The following SLC7A9 variants were observed in gnomAD, a reference collection of about 807,000 sequenced individuals.
SLC7A9 encodes solute carrier family 7 member 9, also known as B(0,+)-type amino acid transporter 1.
SLC7A9 carries 38 observed loss-of-function variants against 54.1 expected under a neutral mutation model. The ratio of observed to expected loss-of-function variants is 0.70; its 90% CI spans 0.54 to 0.92. The LOEUF (loss-of-function observed/expected upper bound fraction) is 0.92, where lower values mean the gene tolerates loss of function less well. Among genes scored for constraint, SLC7A9 ranks in the 40% least tolerant of loss-of-function variants. SLC7A9 has a pLI of 0.00. For synonymous variants in SLC7A9, 264 were observed against 258.9 expected (o/e 1.02, Z -0.19); for missense variants, 537 against 636.1 (o/e 0.84, Z 1.68).
chr19:32,837,487 C>A (rs1415157398), intron 11 of SLC7A9, among the ~76,000 whole-genome samples: 1 of 65,594 alleles, frequency 1.5e-5, no homozygotes, highest in Non-Finnish European at 2.5e-5. Flanking sequence ...GAGGAGATTC[C>A]ATCTCAAAAA....
intron 11 of SLC7A9, among the ~76,000 whole-genome samples, chr19:32,836,821 G>T (rs1010864941): frequency 1.3e-5 from 2 of 152,196 alleles, no homozygotes; most frequent in Non-Finnish European, 2.9e-5. Flanking sequence ...CCTCTTCATT[G>T]TGGATTTTAG....
intron 9 of SLC7A9, among the ~76,000 whole-genome samples, 153 bp downstream of exon 9, chr19:32,858,287 C>G (rs1336287209): frequency 6.6e-6 from 1 of 152,098 alleles, no homozygotes; most frequent in Non-Finnish European, 1.5e-5. Context: ...TGGGTTCAAG[C>G]TACATCCCTT....
intron 9 of SLC7A9, among the ~76,000 whole-genome samples, chr19:32,853,777 T>C (rs1968535461): frequency 6.6e-6 from 1 of 151,714 alleles, no homozygotes; most frequent in South Asian, 2.1e-4. Context: ...ATTAGCCAGG[T>C]GTGATGGTAT....
intron 11 of SLC7A9, among the ~76,000 whole-genome samples, chr19:32,839,267 G>A (rs971299856): frequency 2.0e-5 from 3 of 152,066 alleles, no homozygotes; most frequent in Non-Finnish European, 4.4e-5. Flanking sequence ...AAGGTCTCAT[G>A]TAATTGGCGG....
At position 32,869,689 on chromosome 19, in the gene SLC7A9, C is replaced by T. The variant is rs577790447; in HGVS notation, c.-115G>A. 1.3e-5 allele frequency: 2 copies of T among 152,412 alleles called. No homozygotes were observed. Among genetic ancestry groups the T allele is most frequent in the South Asian group, 4.1e-4 (2 of 4,830 alleles). 9.4% of individuals were successfully genotyped at this position (152,412 alleles called of 1,614,324 possible). A position where few individuals can be genotyped will look rare whatever the true frequency, so the allele number is the denominator to read the frequency against. On this transcript the variant is annotated 5_prime_UTR_variant, in exon 1 of 13. Transcript: ENST00000023064. The stretch of plus-strand genomic sequence containing the variant: ...ATCACCTACTGACCTTACTTACCTT[C>T]CTCCGTGACCCTGCAGAGCCGGAGG...
chr19:32,857,671 C>T (rs2145835279), intron 9 of SLC7A9, among the ~76,000 whole-genome samples: 1 of 152,242 alleles, frequency 6.6e-6, no homozygotes, highest in South Asian at 2.1e-4. Context: ...TAAGCCAAGA[C>T]ACGTGTTCGA....
intron 9 of SLC7A9, among the ~76,000 whole-genome samples, chr19:32,857,512 G>A (rs67913023): frequency 0.11 from 16,242 of 152,150 alleles, 1,095 homozygotes; most frequent in East Asian, 0.27. Flanking sequence ...TAGCCAAAAC[G>A]CTTTTGACAA....
At chr19:32,833,346 G>A (rs1057318698) in intron 11 of SLC7A9, 23 bp from the exon 12 acceptor site, 4 of 1,612,984 alleles carry the variant, frequency 2.5e-6, no homozygotes, top group Admixed American at 1.7e-5. Context: ...AACAGGTCAT[G>A]GGTACCCATT....
intron 8 of SLC7A9, among the ~76,000 whole-genome samples, chr19:32,858,913 C>G (rs969157251): frequency 1.3e-5 from 2 of 151,574 alleles, no homozygotes; most frequent in African/African-American, 2.4e-5. Context: ...CTCAGCCTCC[C>G]AAGTAGCTGG....
intron 9 of SLC7A9, among the ~76,000 whole-genome samples, chr19:32,846,869 G>T (rs534745938): frequency 1.3e-5 from 2 of 152,178 alleles, no homozygotes; most frequent in Non-Finnish European, 2.9e-5. Context: ...ACCAAAATCC[G>T]CTGTTCTACA....
chr19:32,843,123 A>G (rs953106868), intron 10 of SLC7A9, among the ~76,000 whole-genome samples: 4 of 152,116 alleles, frequency 2.6e-5, no homozygotes, highest in African/African-American at 2.4e-5. Flanking sequence ...CAGTTGCACA[A>G]AACAAGAACC....
At chr19:32,844,939 C>T (rs900591369) in intron 9 of SLC7A9, among the ~76,000 whole-genome samples, 8 of 140,098 alleles carry the variant, frequency 5.7e-5, no homozygotes, top group African/African-American at 1.6e-4. Context: ...CCGAGGCAGG[C>T]GGATCATGAG....
rs531523158 is a variant in SLC7A9 at position 32,848,765 on chromosome 19, A to G, written c.978-4814T>C. Among the ~76,000 whole-genome samples, 52 of 152,352 alleles carry G rather than the reference A, an allele frequency of 3.4e-4. 2 individuals are homozygous for G. In the Middle Eastern group the frequency reaches 0.014, roughly 40 times the overall value. On this transcript the variant is annotated intron_variant, in intron 9 of 12. Coordinates refer to ENST00000023064, the MANE Select transcript of SLC7A9 (RefSeq NM_014270.5). ...AGCACCACACCACACCTATTCCAAAATTGACCACATAGTTGGAAGTAAAGC... is the reference window on the plus strand; with the variant it reads ...AGCACCACACCACACCTATTCCAAAGTTGACCACATAGTTGGAAGTAAAGC...
intron 11 of SLC7A9, among the ~76,000 whole-genome samples, chr19:32,836,158 C>T (rs886474611): frequency 6.6e-6 from 1 of 152,088 alleles, no homozygotes; most frequent in East Asian, 1.9e-4. Flanking sequence ...TGTGATCCGC[C>T]GGCCTCAGCC....
chr19:32,845,887 C>G (rs867522432), intron 9 of SLC7A9, among the ~76,000 whole-genome samples: 7 of 151,798 alleles, frequency 4.6e-5, no homozygotes, highest in Admixed American at 3.9e-4. Flanking sequence ...GCCTATAATC[C>G]CATCTACTTG....
intron 12 of SLC7A9, 92 bp downstream of exon 12, chr19:32,833,057 A>G: frequency 1.7e-6 from 2 of 1,206,394 alleles, no homozygotes; most frequent in Non-Finnish European, 2.5e-6. Context: ...AGGGTGAGAC[A>G]CTGTGACAGA....
At chr19:32,848,598 C>G (rs552031465) in intron 9 of SLC7A9, among the ~76,000 whole-genome samples, 62 of 152,176 alleles carry the variant, frequency 4.1e-4, no homozygotes, top group African/African-American at 1.5e-3. Flanking sequence ...GACTTTAACA[C>G]CCCACTGTCA....
At chr19:32,859,475 A>G (rs1307369213) in intron 8 of SLC7A9, among the ~76,000 whole-genome samples, 2 of 151,982 alleles carry the variant, frequency 1.3e-5, no homozygotes, top group African/African-American at 4.8e-5. Context: ...GCCCCCAGCC[A>G]CCTCTTCACT....
rs753121162 is a variant in SLC7A9, at chr19:32,864,639, G to C, written c.225C>G (p.Leu75=). The change falls in exon 3 of 13, where the codon CTC becomes CTG. Residue 75 remains leucine, a synonymous_variant. Transcript: ENST00000023064. The part of the protein sequence containing the change: ...CLIIWAACGV[L]ATLGALCFAE... ...CCCAAGTCTCTTTACCCAGCGTCGC[G>C]AGGACCCCGCAAGCCGCCCATATGA... 6.2e-7 allele frequency: 1 copy of C among 1,613,730 alleles called. No homozygotes were observed. The highest frequency in any genetic ancestry group is 8.5e-7 in the Non-Finnish European group (1 of 1,180,014).
Sources: gnomAD v4.1 joint callset for allele counts (sites outside exome capture counted in the v4.1 genomes callset) on GRCh38, gnomAD v4.1.1 for gene constraint, MANE v1.5 for transcripts, NCBI Gene and HGNC (gene_info 2026-07-23, HGNC 2026-07-21) for gene names.